Variants in ATXN7L3 observed in about 807,000 individuals in gnomAD.
ATXN7L3 encodes the protein ataxin 7 like 3, also known as ataxin-7-like protein 3.
In ATXN7L3, 6 loss-of-function variants were observed where a neutral mutation model predicts 50.0. That is an observed-to-expected ratio of 0.12 (90% CI 0.07 to 0.24). The LOEUF is 0.24. Among genes scored for constraint, ATXN7L3 ranks in the 10% least tolerant of loss-of-function variants. ATXN7L3 has a pLI of 1.00. For missense variants in ATXN7L3, 322 were observed against 451.3 expected (o/e 0.71, Z 2.60); for synonymous variants, 198 against 165.8 (o/e 1.19, Z -1.49).
At chr17:44,194,992 G>A in intron 10 of ATXN7L3, 105 bp downstream of exon 10, 2 of 1,488,998 alleles carry the variant, frequency 1.3e-6, no homozygotes, top group South Asian at 2.3e-5. Context: ...AGGAGGGAAG[G>A]GGAAGGGCAG....
intron 6 of ATXN7L3, 34 bp from the exon 7 acceptor site, chr17:44,196,113 G>A: frequency 1.9e-6 from 3 of 1,606,810 alleles, no homozygotes; most frequent in Non-Finnish European, 1.7e-6. Flanking sequence ...TTGGGGAAAG[G>A]GTAACGAAAA....
At chr17:44,196,236 CCCTTCCCCACCCACACT>C in intron 6 of ATXN7L3, 143 bp downstream of exon 6, 1 of 768,468 alleles carries the variant, frequency 1.3e-6, no homozygotes, top group Non-Finnish European at 2.1e-6. Flanking sequence ...TCCCCCACCC[CCCTTCCCCACCCACACT>C]CCCCCGCCCC....
chr17:44,195,026 G>T (rs967852093), intron 10 of ATXN7L3, 71 bp downstream of exon 10: 4 of 1,573,264 alleles, frequency 2.5e-6, no homozygotes, highest in Non-Finnish European at 8.7e-7. Flanking sequence ...CAAGTCCAGG[G>T]GTACTCCCAA....
At position 44,194,514 on chromosome 17, in the gene ATXN7L3, T is replaced by C; in HGVS notation, c.895+3A>G. The C allele has an allele frequency of 5.6e-6, 9 of 1,613,554 alleles. No homozygotes were observed. Among genetic ancestry groups the C allele is most frequent in the Non-Finnish European group, 7.6e-6 (9 of 1,179,956 alleles). ...GCCCCTAGGGCCCAACTGCATCACGTACCTAGACCCCATCCCTGATTTTCA... is the reference window on the plus strand; with the variant it reads ...GCCCCTAGGGCCCAACTGCATCACGCACCTAGACCCCATCCCTGATTTTCA... On this transcript the variant is annotated splice_donor_region_variant and intron_variant, in intron 12 of 12. Coordinates refer to ENST00000587097, the MANE Select transcript of ATXN7L3 (RefSeq NM_001382309.1).
chr17:44,197,793 C>T, intron 2 of ATXN7L3, 63 bp from the exon 3 acceptor site: 1 of 1,606,896 alleles, frequency 6.2e-7, no homozygotes, highest in Non-Finnish European at 8.5e-7. Flanking sequence ...TCTCACCAAC[C>T]AAATCTGCTG....
intron 3 of ATXN7L3, 38 bp downstream of exon 3, chr17:44,197,560 G>A (rs778215589): frequency 1.4e-5 from 23 of 1,613,636 alleles, no homozygotes; most frequent in Non-Finnish European, 1.9e-5. Flanking sequence ...CAGTCCCAGG[G>A]AAGGGCTGGA....
chr17:44,194,340 C>A lies in ATXN7L3; in HGVS notation c.967G>T (p.Gly323Cys), dbSNP rs767499916. 1 of 1,614,200 alleles carries A rather than the reference C, an allele frequency of 6.2e-7. No homozygotes were observed. The highest frequency in any genetic ancestry group is 8.5e-7 in the Non-Finnish European group (1 of 1,180,034). Reference protein sequence around the residue: ...SHLSLVGTASGLGSNKKKKPK... With the variant: ...SHLSLVGTASCLGSNKKKKPK... Reference sequence around the variant, plus strand: ...TTCTTCTTCTTGTTGGAACCTAGGCCGGAGGCAGTCCCTACCAGGCTCAGA... The same window carrying A: ...TTCTTCTTCTTGTTGGAACCTAGGCAGGAGGCAGTCCCTACCAGGCTCAGA... Residue 323 changes from glycine (G) to cysteine (C), a missense_variant, in exon 13 of 13, where the codon GGC becomes TGC. By Grantham distance (159) the Gly-to-Cys change is radical (BLOSUM62 -3). Around this residue, in one of 5 missense-constraint regions of ATXN7L3, gnomAD observed 122 missense variants for 130.8 expected, o/e 0.93. Transcript: ENST00000587097.
At chr17:44,195,541 CAG>C (rs2055853572) in intron 8 of ATXN7L3, 54 bp from the exon 9 acceptor site, 22 of 1,546,726 alleles carry the variant, frequency 1.4e-5, no homozygotes, top group Non-Finnish European at 1.8e-5. Context: ...AAGAGAAGGA[CAG>C]GGGTGGAAGT....
At chr17:44,196,323 A>C in intron 6 of ATXN7L3, 73 bp downstream of exon 6, 1 of 1,584,596 alleles carries the variant, frequency 6.3e-7, no homozygotes, top group Non-Finnish European at 8.6e-7. Flanking sequence ...ATGACACTCG[A>C]GGACTCCCTG....
intron 5 of ATXN7L3, 123 bp downstream of exon 5, chr17:44,196,806 G>C: frequency 1.9e-6 from 1 of 536,550 alleles, no homozygotes. Flanking sequence ...AAAAGGAAAA[G>C]GAAATCGCGT....
At chr17:44,196,226 T>TCCCCCCCCCCCCCCAGGCCCCCCC in intron 6 of ATXN7L3, 147 bp from the exon 7 acceptor site, 2 of 737,702 alleles carry the variant, frequency 2.7e-6, no homozygotes, top group East Asian at 3.0e-5. Context: ...CCATGTGCCC[T>TCCCCCCCCCCCCCCAGGCCCCCCC]CCCCCACCCC....
intron 3 of ATXN7L3, 40 bp from the exon 4 acceptor site, chr17:44,197,439 C>CGAG: frequency 6.4e-7 from 1 of 1,574,132 alleles, no homozygotes. Flanking sequence ...TGGGCAGGAC[C>CGAG]CTCTCCTCTT....
rs1184408791 is a variant in ATXN7L3 at position 44,197,041 on chromosome 17, G to A, written c.357-15C>T. The A allele has an allele frequency of 1.3e-6, 2 of 1,597,620 alleles. No homozygotes were observed. The highest frequency in any genetic ancestry group is 1.7e-6 in the Non-Finnish European group (2 of 1,165,344). On this transcript the variant is annotated splice_polypyrimidine_tract_variant and intron_variant, in intron 4 of 12. Transcript: ENST00000587097. Reference sequence around the variant, plus strand: ...TATTGGCAATCCTGCCAAGGGGAGGGAAGAGAAAGGGGCCAAGGGGAAGGA... The same window carrying A: ...TATTGGCAATCCTGCCAAGGGGAGGAAAGAGAAAGGGGCCAAGGGGAAGGA...
In ATXN7L3 at chr17:44,194,587, G is replaced by A. The variant is rs1159688710; in HGVS notation, c.825C>T (p.Asp275=). The stretch of plus-strand genomic sequence containing the variant: ...CAGAGGGTGAGAGGTCAGAGGAGCC[G>A]TCCCACTGAAGCCGGCTGATCAGGG... ...SQALISRLQW[D]GSSDLSPSDS... is the part of the protein sequence containing the mutation. Residue 275 remains aspartate, a synonymous_variant, in exon 12 of 13, where the codon GAC becomes GAT. Coordinates refer to ENST00000587097, the MANE Select transcript of ATXN7L3 (RefSeq NM_001382309.1). 12 of 1,613,712 alleles carry A rather than the reference G, an allele frequency of 7.4e-6. No homozygotes were observed. Among genetic ancestry groups the A allele is most frequent in the African/African-American group, 1.3e-5 (1 of 74,888 alleles).
chr17:44,197,840 C>A, intron 2 of ATXN7L3, 110 bp from the exon 3 acceptor site: 1 of 1,553,390 alleles, frequency 6.4e-7, no homozygotes, highest in South Asian at 1.1e-5. Flanking sequence ...CTTTCTTTGC[C>A]ATTTTCCCCA....
At position 44,199,637 on chromosome 17, in the gene ATXN7L3, G is replaced by C. The variant is rs970286969; in HGVS notation, c.-202C>G. 1 of 145,588 alleles carries C rather than the reference G, an allele frequency of 6.9e-6. No homozygotes were observed. Among genetic ancestry groups the C allele is most frequent in the Non-Finnish European group, 1.5e-5 (1 of 65,242 alleles). The allele number at this position is 145,588 out of a possible 1,614,324, so 9.0% of individuals were successfully genotyped here. A position where few individuals can be genotyped will look rare whatever the true frequency, so the allele number is the denominator to read the frequency against. ...CCGGGGCCCAGGGCCCGGGGCCGGG[G>C]GGTCGGGCCGCCCCCCCGCCTGGCC... On this transcript the variant is annotated 5_prime_UTR_variant, in exon 1 of 13. Coordinates refer to ENST00000587097, the MANE Select transcript of ATXN7L3 (RefSeq NM_001382309.1).
chr17:44,197,572 T>A (rs1420942447), intron 3 of ATXN7L3, 26 bp downstream of exon 3: 1 of 1,614,040 alleles, frequency 6.2e-7, no homozygotes, highest in Non-Finnish European at 8.5e-7. Context: ...AGGGCTGGAC[T>A]GCTGCTCCTT....
chr17:44,196,197 C>G, intron 6 of ATXN7L3, 118 bp from the exon 7 acceptor site: 1 of 1,309,044 alleles, frequency 7.6e-7, no homozygotes, highest in Non-Finnish European at 1.1e-6. Flanking sequence ...TCTTCCTCCC[C>G]AGTAGGAGGC....
intron 1 of ATXN7L3, chr17:44,198,849 G>C (rs1448039538): frequency 6.6e-6 from 1 of 152,664 alleles, no homozygotes; most frequent in African/African-American, 2.4e-5. Context: ...CAGCCCGGAA[G>C]TCTCTCCAAG....
Sources: allele counts gnomAD v4.1 joint callset, GRCh38; gene constraint gnomAD v4.1.1; regional missense constraint gnomAD v4.1.1; transcripts MANE v1.5; gene names NCBI Gene and HGNC (gene_info 2026-07-23, HGNC 2026-07-21).